ENTREP1: variants seen among roughly 807,000 people sequenced by gnomAD.
ENTREP1 encodes the protein Friedreich ataxia region gene X123.
the ENTREP1 span, chr9:69,375,993 T>C: frequency 1.1e-6 from 1 of 929,186 alleles, no homozygotes; most frequent in Non-Finnish European, 1.6e-6. Flanking sequence ...CGCATGTGAG[T>C]GACCCCAGAG....
chr9:69,385,921 C>T, the ENTREP1 span: 3 of 1,611,878 alleles, frequency 1.9e-6, no homozygotes, highest in Admixed American at 5.0e-5. Flanking sequence ...AAGAGTGACC[C>T]TGTGCTCCAT....
chr9:69,358,749 A>G, the ENTREP1 span, among the ~76,000 whole-genome samples: 1,354 of 152,324 alleles, frequency 8.9e-3, 23 homozygotes, highest in African/African-American at 0.029. Flanking sequence ...CAACACATGT[A>G]CGTGCACAAA....
chr9:69,390,875 A>C, the ENTREP1 span, among the ~76,000 whole-genome samples: 2 of 152,110 alleles, frequency 1.3e-5, no homozygotes, highest in Non-Finnish European at 2.9e-5. Context: ...TCCTGGGCTC[A>C]AGTAATCCTT....
At chr9:69,325,253 C>A in the ENTREP1 span, 1 of 1,061,412 alleles carries the variant, frequency 9.4e-7, no homozygotes. Flanking sequence ...GGCTCCGCTC[C>A]GCGTCCTCTG....
the ENTREP1 span, chr9:69,324,709 C>T: frequency 4.1e-6 from 4 of 983,828 alleles, no homozygotes; most frequent in African/African-American, 1.7e-5. Flanking sequence ...ACACCTCTTC[C>T]CATCGAGTCG....
the ENTREP1 span, among the ~76,000 whole-genome samples, chr9:69,353,652 T>G: frequency 6.6e-6 from 1 of 152,242 alleles, no homozygotes. Flanking sequence ...CAAATAACTT[T>G]TCTTAATCAA....
the ENTREP1 span, among the ~76,000 whole-genome samples, chr9:69,339,347 A>G: frequency 1.3e-5 from 2 of 152,172 alleles, no homozygotes; most frequent in African/African-American, 4.8e-5. Context: ...GTATACCATT[A>G]TAACTCATGC....
At chr9:69,334,475 T>C in the ENTREP1 span, among the ~76,000 whole-genome samples, 1 of 152,206 alleles carries the variant, frequency 6.6e-6, no homozygotes, top group Non-Finnish European at 1.5e-5. Context: ...GTTTTGAATT[T>C]GAAGGGACAC....
chr9:69,339,270 C>G, the ENTREP1 span, among the ~76,000 whole-genome samples: 136 of 152,302 alleles, frequency 8.9e-4, no homozygotes, highest in Non-Finnish European at 1.3e-3. Context: ...ATCTTCCCAC[C>G]TCAGCTTCCC....
chr9:69,391,677 T>C, the ENTREP1 span: 1 of 1,613,840 alleles, frequency 6.2e-7, no homozygotes, highest in South Asian at 1.1e-5. Context: ...CTGCTGCACC[T>C]CCAGAGCTGC....
chr9:69,325,143 G>A, the ENTREP1 span: 6 of 1,036,124 alleles, frequency 5.8e-6, no homozygotes, highest in African/African-American at 8.6e-5. Flanking sequence ...CCAGGGCAGC[G>A]GCAGCGGCGG....
chr9:69,389,324 A>T, the ENTREP1 span, among the ~76,000 whole-genome samples: 1 of 152,230 alleles, frequency 6.6e-6, no homozygotes, highest in Non-Finnish European at 1.5e-5. Context: ...CAACTTCAGG[A>T]TGTAGGTAAA....
the ENTREP1 span, chr9:69,377,667 T>A: frequency 1.2e-6 from 2 of 1,614,114 alleles, no homozygotes; most frequent in Non-Finnish European, 1.7e-6. Context: ...TCCCCGACCC[T>A]GATGATTTTG....
the ENTREP1 span, chr9:69,387,084 G>GCCCT: frequency 6.6e-6 from 1 of 152,314 alleles, no homozygotes; most frequent in Non-Finnish European, 1.5e-5. Context: ...AGCTGCTGGA[G>GCCCT]CCCTCCATTG....
chr9:69,378,864 A>G, the ENTREP1 span, among the ~76,000 whole-genome samples: 583 of 152,220 alleles, frequency 3.8e-3, 1 homozygote, highest in Middle Eastern at 0.01. Context: ...TTCCTCCTCT[A>G]CCATTAAGGA....
chr9:69,376,586 A>G, the ENTREP1 span, among the ~76,000 whole-genome samples: 1 of 152,100 alleles, frequency 6.6e-6, no homozygotes, highest in Admixed American at 6.5e-5. Flanking sequence ...TTTTCTTTAG[A>G]TATTTGTTTT....
At chr9:69,377,894 A>T in the ENTREP1 span, 1 of 769,742 alleles carries the variant, frequency 1.3e-6, no homozygotes, top group South Asian at 2.2e-5. Flanking sequence ...TAGCCCAATG[A>T]GTGACAAAAT....
chr9:69,333,497 G>A, the ENTREP1 span, among the ~76,000 whole-genome samples: 8 of 152,102 alleles, frequency 5.3e-5, no homozygotes, highest in South Asian at 1.7e-3. Flanking sequence ...TAGAGACAGG[G>A]TCTCACCGTG....
the ENTREP1 span, among the ~76,000 whole-genome samples, chr9:69,367,464 A>G: frequency 6.6e-6 from 1 of 150,862 alleles, no homozygotes; most frequent in Non-Finnish European, 1.5e-5. Flanking sequence ...CATTTTGATA[A>G]TATTAATTTT....
Sources: allele counts gnomAD v4.1 joint callset (sites outside exome capture counted in the v4.1 genomes callset), GRCh38; gene constraint gnomAD v4.1.1; transcripts MANE v1.5; gene names NCBI Gene and HGNC (gene_info 2026-07-23, HGNC 2026-07-21).